The following LXN variants were observed in gnomAD, a reference collection of about 807,000 sequenced individuals.
The protein encoded by LXN is MUM.
A neutral mutation model predicts 29.8 loss-of-function variants in LXN; 28 were observed. The observed-to-expected ratio is 0.94, with a 90% confidence interval of 0.70 to 1.29. LXN has a LOEUF of 1.29. LXN is among the 50% of genes most tolerant of loss of function. The pLI, the probability that LXN is intolerant of heterozygous loss-of-function variation, is 0.00. For missense variants in LXN, 227 were observed against 261.7 expected (o/e 0.87, Z 0.92); for synonymous variants, 77 against 89.6 (o/e 0.86, Z 0.80).
Position 158,672,395 on chromosome 3 carries a change from C to CGG in LXN, c.82_83dup (p.His29ArgfsTer41). ...CCTTCTGCACCTCAAACACCCTGTG[C>CGG]GGGGTCCCCTGCTGGTAGTTGATGT... On this transcript the variant is annotated frameshift_variant, in exon 1 of 6. Coordinates refer to ENST00000264265, the MANE Select transcript of LXN (RefSeq NM_020169.4). LOFTEE classifies it high-confidence loss of function. The CGG allele has an allele frequency of 6.2e-7, 1 of 1,614,024 alleles. No homozygotes were observed. Among genetic ancestry groups the CGG allele is most frequent in the Non-Finnish European group, 8.5e-7 (1 of 1,179,966 alleles).
chr3:158,668,848 C>A, intron 4 of LXN, 148 bp downstream of exon 4: 4 of 642,860 alleles, frequency 6.2e-6, no homozygotes, highest in Non-Finnish European at 7.6e-6. Context: ...CTTCTCTAAT[C>A]TTGATTGTAC....
rs1302139629 is a variant in LXN, at chr3:158,672,620, G to C, written c.-142C>G. The C allele has an allele frequency of 5.2e-6, 5 of 966,792 alleles. No individual in the cohort carries two copies. Among genetic ancestry groups the C allele is most frequent in the Non-Finnish European group, 7.5e-6 (5 of 663,230 alleles). 59.9% of individuals were successfully genotyped at this position (966,792 alleles called of 1,614,324 possible). On this transcript the variant is annotated 5_prime_UTR_variant, in exon 1 of 6. Transcript: ENST00000264265. ...CTCCTTCAGTCAGTCTTCTTCCTCA[G>C]CTCCTTCCGACTCCGGAAGCTGCTG...
Position 158,672,402 on chromosome 3 carries a change from C to A in LXN, c.77G>T (p.Gly26Val). 1.2e-6 allele frequency: 2 copies of A among 1,614,046 alleles called. No individual in the cohort carries two copies. Among genetic ancestry groups the A allele is most frequent in the Non-Finnish European group, 1.7e-6 (2 of 1,179,994 alleles). ...VAQNYINYQQGTPHRVFEVQK... is the reference protein window; with the variant it reads ...VAQNYINYQQVTPHRVFEVQK... ...CACCTCAAACACCCTGTGCGGGGTC[C>A]CCTGCTGGTAGTTGATGTAGTTCTG... Residue 26 changes from glycine (G) to valine (V), a missense_variant, in exon 1 of 6, where the codon GGG becomes GTG. Physicochemically the swap from Gly to Val is moderately radical, Grantham distance 109. Transcript: ENST00000264265.
chr3:158,670,456 C>A (rs561735945), intron 2 of LXN, among the ~76,000 whole-genome samples: 1 of 152,144 alleles, frequency 6.6e-6, no homozygotes, highest in Non-Finnish European at 1.5e-5. Flanking sequence ...GAGTATGTAA[C>A]TTCTTAAGAA....
At chr3:158,672,236 G>C in intron 1 of LXN, 114 bp downstream of exon 1, 1 of 1,336,874 alleles carries the variant, frequency 7.5e-7, no homozygotes, top group Non-Finnish European at 1.0e-6. Context: ...TCCTAAAACA[G>C]AAGGTGGGTA....
Position 158,666,586 on chromosome 3 carries a change from C to A in LXN, c.*60G>T. ...TTATTTGGCCTCATAAGCTAGATGC[C>A]AGTGAAATTGGCATACACATCAATA... On this transcript the variant is annotated 3_prime_UTR_variant, in exon 6 of 6. Coordinates refer to ENST00000264265, the MANE Select transcript of LXN (RefSeq NM_020169.4). 1 of 1,454,834 alleles carries A rather than the reference C, an allele frequency of 6.9e-7. No homozygotes were observed. Among genetic ancestry groups the A allele is most frequent in the Non-Finnish European group, 9.6e-7 (1 of 1,038,108 alleles). The allele number at this position is 1,454,834 out of a possible 1,614,324, so 90.1% of individuals were successfully genotyped here. A position where few individuals can be genotyped will look rare whatever the true frequency, so the allele number is the denominator to read the frequency against.
At position 158,667,079 on chromosome 3, in the gene LXN, G is replaced by C. The variant is rs1489773018; in HGVS notation, c.508-5C>G. 2.5e-5 allele frequency: 39 copies of C among 1,573,950 alleles called. No homozygotes were observed. The highest frequency in any genetic ancestry group is 3.0e-5 in the Non-Finnish European group (35 of 1,166,224). On this transcript the variant is annotated splice_region_variant and splice_polypyrimidine_tract_variant and intron_variant, in intron 4 of 5. Transcript: ENST00000264265. The stretch of plus-strand genomic sequence containing the variant: ...AATAAAGTCATCATTTCTTTGCTAT[G>C]ACAAAAAATAAAAACGTGTTGTTTA...
chr3:158,669,515 T>C lies in LXN; in HGVS notation c.288A>G (p.Gly96=), dbSNP rs377173769. ...EVNFTFEGET[G]KNPDEEDNTF... is the part of the protein sequence containing the mutation. ...TGTTGTCTTCTTCATCTGGATTCTTTCCAGTTTCTCCTTCAAATGTGAAGT... is the reference window on the plus strand; with the variant it reads ...TGTTGTCTTCTTCATCTGGATTCTTCCCAGTTTCTCCTTCAAATGTGAAGT... The change falls in exon 3 of 6, where the codon GGA becomes GGG. Residue 96 remains glycine, a synonymous_variant. Coordinates refer to ENST00000264265, the MANE Select transcript of LXN (RefSeq NM_020169.4). 1.5e-5 allele frequency: 25 copies of C among 1,613,900 alleles called. No individual in the cohort carries two copies. The highest frequency in any genetic ancestry group is 9.3e-5 in the African/African-American group (7 of 74,930).
At chr3:158,669,167 T>A in intron 3 of LXN, 35 bp from the exon 4 acceptor site, 2 of 1,545,794 alleles carry the variant, frequency 1.3e-6, no homozygotes, top group South Asian at 1.2e-5. Flanking sequence ...TAATCATATA[T>A]ATAGTATTAA....
At chr3:158,669,304 G>A in intron 3 of LXN, 129 bp downstream of exon 3, 1 of 1,187,340 alleles carries the variant, frequency 8.4e-7, no homozygotes, top group South Asian at 1.6e-5. Flanking sequence ...GATTGGATTA[G>A]AAATGAGTAT....
intron 2 of LXN, among the ~76,000 whole-genome samples, chr3:158,670,737 T>C (rs983887268): frequency 2.6e-5 from 4 of 152,136 alleles, no homozygotes; most frequent in African/African-American, 9.7e-5. Flanking sequence ...TAGCTCATGC[T>C]TGTAATCCTA....
Position 158,666,581 on chromosome 3 carries a change from G to C in LXN, c.*65C>G, listed in dbSNP as rs1723706111. The C allele has an allele frequency of 7.0e-7, 1 of 1,420,600 alleles. No individual in the cohort carries two copies. The highest frequency in any genetic ancestry group is 1.4e-5 in the African/African-American group (1 of 70,702). The allele number at this position is 1,420,600 out of a possible 1,614,324, so 88.0% of individuals were successfully genotyped here. On this transcript the variant is annotated 3_prime_UTR_variant, in exon 6 of 6. Coordinates refer to ENST00000264265, the MANE Select transcript of LXN (RefSeq NM_020169.4). Reference sequence around the variant, plus strand: ...TGGGATTATTTGGCCTCATAAGCTAGATGCCAGTGAAATTGGCATACACAT... The same window carrying C: ...TGGGATTATTTGGCCTCATAAGCTACATGCCAGTGAAATTGGCATACACAT...
At position 158,670,955 on chromosome 3, in the gene LXN, A is replaced by G. The variant is rs1335257032; in HGVS notation, c.192+2T>C. 6.6e-7 allele frequency: 1 copy of G among 1,521,688 alleles called. No individual in the cohort carries two copies. The highest frequency in any genetic ancestry group is 8.8e-7 in the Non-Finnish European group (1 of 1,138,442). The allele number at this position is 1,521,688 out of a possible 1,614,324, so 94.3% of individuals were successfully genotyped here. On this transcript the variant is annotated splice_donor_variant, in intron 2 of 5. Transcript: ENST00000264265. LOFTEE classifies it high-confidence loss of function. The stretch of plus-strand genomic sequence containing the variant: ...CTCAAAGAAAAAAGAAATTTAACTT[A>G]CTTTTTGTATAATTTCTTCAACAGC...
At position 158,669,015 on chromosome 3, in the gene LXN, A is replaced by G. The variant is rs1407791084; in HGVS notation, c.488T>C (p.Ile163Thr). Residue 163 changes from isoleucine (I) to threonine (T), a missense_variant, in exon 4 of 6, where the codon ATT becomes ACT. Physicochemically the swap from Ile to Thr is moderately conservative, Grantham distance 89 (BLOSUM62 -1). Transcript: ENST00000264265. ...TEDTWYKMVK[I>T]QTVKQVQRND... Reference sequence around the variant, plus strand: ...ACTTACCACTTGCTTGACAGTTTGAATTTTTACCATTTTATACCATGTGTC... The same window carrying G: ...ACTTACCACTTGCTTGACAGTTTGAGTTTTTACCATTTTATACCATGTGTC... 3 of 1,611,790 alleles carry G rather than the reference A, an allele frequency of 1.9e-6. No homozygotes were observed. The highest frequency in any genetic ancestry group is 2.5e-6 in the Non-Finnish European group (3 of 1,179,218).
intron 1 of LXN, among the ~76,000 whole-genome samples, chr3:158,671,384 A>G (rs1724286104): frequency 1.3e-5 from 2 of 152,236 alleles, no homozygotes; most frequent in African/African-American, 2.4e-5. Context: ...AGATTTTTTC[A>G]TAAAGCTCAG....
intron 3 of LXN, 71 bp from the exon 4 acceptor site, chr3:158,669,203 A>G (rs1486349806): frequency 7.6e-6 from 11 of 1,443,762 alleles, no homozygotes; most frequent in Non-Finnish European, 5.7e-6. Context: ...TCTAAATTCT[A>G]AATCATGTCT....
In LXN at chr3:158,666,435, T is replaced by C. The variant is rs772500027; in HGVS notation, c.*211A>G. On this transcript the variant is annotated 3_prime_UTR_variant, in exon 6 of 6. Transcript: ENST00000264265. ...ATTATGAGGCTGAAATTGAAGCTTT[T>C]TATTTTGGATATACATACCACTATT... is the stretch of plus-strand genomic sequence containing the variant. The C allele has an allele frequency of 6.9e-6, 10 of 1,439,452 alleles. No individual in the cohort carries two copies. In the South Asian group the frequency reaches 1.1e-4, roughly 17 times the overall value. The allele number at this position is 1,439,452 out of a possible 1,614,324, so 89.2% of individuals were successfully genotyped here.
intron 1 of LXN, 62 bp from the exon 2 acceptor site, chr3:158,671,081 T>C: frequency 1.4e-6 from 2 of 1,397,744 alleles, no homozygotes; most frequent in Non-Finnish European, 1.9e-6. Context: ...ACTTGCATTG[T>C]TAGAAGTATG....
chr3:158,672,285 C>G, intron 1 of LXN, 65 bp downstream of exon 1: 2 of 1,592,578 alleles, frequency 1.3e-6, no homozygotes, highest in Non-Finnish European at 1.7e-6. Context: ...AGGCTGAGAC[C>G]GCGGGTGAGT....
Sources: allele counts gnomAD v4.1 joint callset (sites outside exome capture counted in the v4.1 genomes callset), GRCh38; gene constraint gnomAD v4.1.1; transcripts MANE v1.5; gene names NCBI Gene and HGNC (gene_info 2026-07-23, HGNC 2026-07-21).